The following DPP6 variants were observed in gnomAD, a reference collection of about 807,000 sequenced individuals.
The protein encoded by DPP6 is A-type potassium channel modulatory protein DPP6.
Under a neutral mutation model 122.6 loss-of-function variants are expected in DPP6, and 69 were observed. That is an observed-to-expected ratio of 0.56 (90% CI 0.46 to 0.69). The LOEUF is 0.69. DPP6 is among the 30% of genes least tolerant of loss of function. The probability of loss-of-function intolerance (pLI) is 0.00; values close to 1 mark genes in which losing one functional copy is unlikely to be tolerated. For missense variants in DPP6, 928 were observed against 1,116.9 expected, an observed-to-expected ratio of 0.83 and a Z score of 2.41; for synonymous variants, 418 against 433.1, an observed-to-expected ratio of 0.97 and a Z score of 0.43.
At chr7:154,881,691 C>T (rs556290099) in intron 21 of DPP6, among the ~76,000 whole-genome samples, 2 of 152,316 alleles carry the variant, frequency 1.3e-5, no homozygotes, top group East Asian at 3.9e-4. Context: ...CTTACGTCAT[C>T]GCCTCCAAAA....
At chr7:154,014,636 T>C (rs753981440) in intron 1 of DPP6, among the ~76,000 whole-genome samples, 31 of 151,860 alleles carry the variant, frequency 2.0e-4, no homozygotes, top group Middle Eastern at 3.4e-3. Flanking sequence ...CACTCGAGCC[T>C]GGGTGACAGA....
intron 3 of DPP6, among the ~76,000 whole-genome samples, chr7:154,527,224 A>G (rs1051469035): frequency 7.2e-5 from 11 of 152,176 alleles, no homozygotes; most frequent in Non-Finnish European, 8.8e-5. Context: ...AGTTTTATCA[A>G]TGCTCCAATT....
chr7:153,959,499 T>G (rs1488543854), intron 1 of DPP6, among the ~76,000 whole-genome samples: 2 of 152,272 alleles, frequency 1.3e-5, no homozygotes, highest in African/African-American at 2.4e-5. Flanking sequence ...AACTTTTTCT[T>G]GTGCAGCTTC....
At chr7:154,204,921 G>A (rs942188006) in intron 1 of DPP6, among the ~76,000 whole-genome samples, 12 of 152,106 alleles carry the variant, frequency 7.9e-5, no homozygotes, top group African/African-American at 2.9e-4. Flanking sequence ...GAATATGCAT[G>A]AGTCACTCTT....
At chr7:154,303,248 G>T (rs1283338685) in intron 1 of DPP6, among the ~76,000 whole-genome samples, 1 of 152,174 alleles carries the variant, frequency 6.6e-6, no homozygotes, top group Admixed American at 6.5e-5. Flanking sequence ...TTAAGGCAGG[G>T]GCTGTGATTT....
chr7:154,620,422 C>T (rs112019442), intron 5 of DPP6, among the ~76,000 whole-genome samples: 2 of 152,266 alleles, frequency 1.3e-5, no homozygotes, highest in African/African-American at 4.8e-5. Context: ...AAAGGCAAAA[C>T]ATACTGTGAT....
At chr7:154,247,824 A>C (rs1477736143) in intron 1 of DPP6, among the ~76,000 whole-genome samples, 2 of 152,222 alleles carry the variant, frequency 1.3e-5, no homozygotes, top group Admixed American at 1.3e-4. Flanking sequence ...AGCCCTACTC[A>C]TAATACCTTC....
intron 3 of DPP6, among the ~76,000 whole-genome samples, chr7:154,535,020 G>C (rs1828122536): frequency 6.6e-6 from 1 of 151,944 alleles, no homozygotes; most frequent in Admixed American, 6.6e-5. Context: ...AATAGACACA[G>C]ATCAATGGAA....
chr7:154,522,207 C>T (rs1381601588), intron 3 of DPP6, among the ~76,000 whole-genome samples: 1 of 152,142 alleles, frequency 6.6e-6, no homozygotes, highest in Non-Finnish European at 1.5e-5. Context: ...ATCTCCTGAT[C>T]TCATGATCCG....
intron 1 of DPP6, among the ~76,000 whole-genome samples, chr7:153,920,532 T>G (rs1800582152): frequency 6.7e-6 from 1 of 148,526 alleles, no homozygotes; most frequent in Non-Finnish European, 1.5e-5. Flanking sequence ...ACTTCCTGTG[T>G]AGGTAGTCAA....
intron 1 of DPP6, among the ~76,000 whole-genome samples, chr7:153,960,443 A>T (rs1795290912): frequency 6.6e-6 from 1 of 152,164 alleles, no homozygotes; most frequent in African/African-American, 2.4e-5. Flanking sequence ...GCTTGTAGGA[A>T]AAAGCTGTAG....
intron 3 of DPP6, among the ~76,000 whole-genome samples, chr7:154,501,410 G>A (rs941882773): frequency 6.6e-6 from 1 of 152,202 alleles, no homozygotes; most frequent in African/African-American, 2.4e-5. Flanking sequence ...AGACCTGGAA[G>A]CCTAGGAGGA....
chr7:154,004,743 G>T (rs1212995511), intron 1 of DPP6, among the ~76,000 whole-genome samples: 1 of 151,946 alleles, frequency 6.6e-6, no homozygotes, highest in African/African-American at 2.4e-5. Context: ...GTGGAATGTT[G>T]TCTGTCAGCT....
the DPP6 span, among the ~76,000 whole-genome samples, chr7:153,754,825 C>T: frequency 2.0e-5 from 3 of 151,722 alleles, no homozygotes; most frequent in African/African-American, 7.3e-5. Flanking sequence ...TGCTTAGCTC[C>T]GGATATTGCA....
rs187975820 is a variant in DPP6, at chr7:154,875,454, C to A, written c.1884-452C>A. Among the ~76,000 whole-genome samples the A allele has an allele frequency of 1.7e-3, 258 of 152,318 alleles. 1 individual carries two copies. The highest frequency in any genetic ancestry group is 6.8e-3 in the Middle Eastern group (2 of 294). ...TTCCGACTTAACAAGAGACAGACCACGTCTTCAAGCCAGGGATGTGGCTAG... is the reference window on the plus strand; with the variant it reads ...TTCCGACTTAACAAGAGACAGACCAAGTCTTCAAGCCAGGGATGTGGCTAG... On this transcript the variant is annotated intron_variant, in intron 19 of 25. Coordinates refer to ENST00000377770, the MANE Select transcript of DPP6 (RefSeq NM_130797.4). This position sits in a 1 kb window ranked among gnomAD's most constrained non-coding sequence, Gnocchi z 4.5.
the DPP6 span, among the ~76,000 whole-genome samples, chr7:153,819,691 G>T: frequency 6.6e-6 from 1 of 152,088 alleles, no homozygotes; most frequent in Admixed American, 6.5e-5. Context: ...TCATTTATAA[G>T]GAGGACGGAT....
chr7:154,427,886 C>T (rs562818935), intron 1 of DPP6, among the ~76,000 whole-genome samples: 1 of 152,236 alleles, frequency 6.6e-6, no homozygotes, highest in South Asian at 2.1e-4. Flanking sequence ...TTAATTTGCA[C>T]TGCCTTGCCC....
intron 1 of DPP6, among the ~76,000 whole-genome samples, chr7:154,072,475 C>A (rs1187320573): frequency 6.6e-6 from 1 of 152,112 alleles, no homozygotes; most frequent in Non-Finnish European, 1.5e-5. Context: ...TGAGAAAGCT[C>A]CCTGATTGTG....
intron 1 of DPP6, among the ~76,000 whole-genome samples, chr7:154,422,882 G>A (rs1308299959): frequency 6.6e-6 from 1 of 152,148 alleles, no homozygotes; most frequent in Non-Finnish European, 1.5e-5. Flanking sequence ...CAGCTGGCTT[G>A]CAATAAATAA....
Sources: gnomAD v4.1 joint callset for allele counts (sites outside exome capture counted in the v4.1 genomes callset) on GRCh38, gnomAD v4.1.1 for gene constraint, Gnocchi (gnomAD v3.1) non-coding constraint, MANE v1.5 for transcripts, NCBI Gene and HGNC (gene_info 2026-07-23, HGNC 2026-07-21) for gene names.